The following SNTG2 variants were observed in gnomAD, a reference collection of about 807,000 sequenced individuals.
SNTG2 encodes syntrophin gamma 2, also known as gamma-2-syntrophin.
SNTG2 carries 74 observed loss-of-function variants against 70.9 expected under a neutral mutation model. That is an observed-to-expected ratio of 1.04 (90% CI 0.86 to 1.27). The LOEUF is 1.27. Ranked by LOEUF, SNTG2 falls within the 50% of genes most tolerant of loss-of-function variation. The pLI is 0.00. For synonymous variants in SNTG2, 278 were observed against 273.8 expected (o/e 1.02, Z -0.15); for missense variants, 717 against 690.7 (o/e 1.04, Z -0.43).
chr2:1,175,847 T>G (rs945283032), intron 8 of SNTG2, among the ~76,000 whole-genome samples: 2 of 152,162 alleles, frequency 1.3e-5, no homozygotes, highest in African/African-American at 4.8e-5. Flanking sequence ...TCGGTGCCAT[T>G]TCAGGAAAGG....
At chr2:1,225,851 G>A (rs112781362) in intron 9 of SNTG2, among the ~76,000 whole-genome samples, 38 of 152,324 alleles carry the variant, frequency 2.5e-4, no homozygotes, top group African/African-American at 8.7e-4. Flanking sequence ...CTCAGGAGGT[G>A]CAGCCCACGG....
At chr2:1,083,934 G>A (rs1298746703) in intron 2 of SNTG2, among the ~76,000 whole-genome samples, 1 of 152,072 alleles carries the variant, frequency 6.6e-6, no homozygotes, top group Non-Finnish European at 1.5e-5. Flanking sequence ...CCAGCTACTC[G>A]GAAGTCCGAG....
intron 1 of SNTG2, among the ~76,000 whole-genome samples, chr2:1,069,528 C>T (rs140879487): frequency 0.031 from 4,687 of 151,638 alleles, 137 homozygotes; most frequent in African/African-American, 0.079. Flanking sequence ...CGCAGTGGCT[C>T]ATGCCTGTAA....
At chr2:1,266,647 G>A (rs1411548273) in intron 13 of SNTG2, among the ~76,000 whole-genome samples, 2 of 152,034 alleles carry the variant, frequency 1.3e-5, no homozygotes, top group Non-Finnish European at 2.9e-5. Context: ...ATAGAGACTC[G>A]GAGGCGCAGG....
chr2:1,199,119 C>A (rs887558250), intron 8 of SNTG2, among the ~76,000 whole-genome samples: 3 of 150,794 alleles, frequency 2.0e-5, no homozygotes, highest in Non-Finnish European at 4.4e-5. Context: ...AACACAGACA[C>A]AAAAACCCTC....
chr2:1,195,795 C>T (rs1003902431), intron 8 of SNTG2, among the ~76,000 whole-genome samples: 1 of 152,010 alleles, frequency 6.6e-6, no homozygotes. Context: ...GAAGTCTTTG[C>T]CCAAGGCAAA....
At chr2:1,018,422 G>A (rs1177892930) in intron 1 of SNTG2, among the ~76,000 whole-genome samples, 3 of 152,240 alleles carry the variant, frequency 2.0e-5, no homozygotes, top group South Asian at 4.2e-4. Flanking sequence ...GACCATGGTG[G>A]GCCCTCCAGG....
chr2:1,225,880 C>T (rs1675742261), intron 9 of SNTG2, among the ~76,000 whole-genome samples: 1 of 152,144 alleles, frequency 6.6e-6, no homozygotes, highest in South Asian at 2.1e-4. Flanking sequence ...GCTTAGCACA[C>T]CTGGGCAGGG....
At chr2:1,009,997 CT>C (rs1659684658) in intron 1 of SNTG2, among the ~76,000 whole-genome samples, 3 of 152,120 alleles carry the variant, frequency 2.0e-5, no homozygotes, top group Non-Finnish European at 4.4e-5. Flanking sequence ...AGGAGCAGTA[CT>C]TTTGCTGGTA....
chr2:1,124,586 G>A (rs569603638), intron 4 of SNTG2, among the ~76,000 whole-genome samples: 3 of 152,128 alleles, frequency 2.0e-5, no homozygotes, highest in Admixed American at 6.5e-5. Flanking sequence ...GTGAGCCACC[G>A]CGCCCGGCCT....
chr2:1,146,937 T>C (rs1315415449), intron 6 of SNTG2, among the ~76,000 whole-genome samples: 1 of 152,230 alleles, frequency 6.6e-6, no homozygotes, highest in Non-Finnish European at 1.5e-5. Flanking sequence ...CTCCTTTTGT[T>C]AAAAGCATGT....
intron 4 of SNTG2, among the ~76,000 whole-genome samples, chr2:1,136,975 G>A (rs953442262): frequency 1.3e-5 from 2 of 152,132 alleles, no homozygotes; most frequent in African/African-American, 2.4e-5. Flanking sequence ...CACACTTAAC[G>A]AAAAATGTGC....
At chr2:1,323,308 T>C (rs1176764742) in intron 16 of SNTG2, among the ~76,000 whole-genome samples, 1 of 152,240 alleles carries the variant, frequency 6.6e-6, no homozygotes, top group Non-Finnish European at 1.5e-5. Flanking sequence ...AGTGAAGCCC[T>C]GACCACAGCT....
At chr2:1,169,925 C>A (rs934612913) in intron 7 of SNTG2, among the ~76,000 whole-genome samples, 4 of 152,096 alleles carry the variant, frequency 2.6e-5, no homozygotes, top group Non-Finnish European at 5.9e-5. Context: ...ATCTTAGTAT[C>A]CATAACAATT....
At chr2:1,168,091 G>A (rs1303869774) in intron 7 of SNTG2, among the ~76,000 whole-genome samples, 2 of 138,586 alleles carry the variant, frequency 1.4e-5, no homozygotes, top group East Asian at 2.4e-4. Flanking sequence ...CCTACAGGCC[G>A]CCCACAGACG....
intron 1 of SNTG2, among the ~76,000 whole-genome samples, chr2:1,019,514 T>A (rs911052640): frequency 6.6e-6 from 1 of 151,854 alleles, no homozygotes; most frequent in Non-Finnish European, 1.5e-5. Flanking sequence ...AGGGAAGAAA[T>A]GGCAAGGAGG....
chr2:1,237,788 G>A (rs1166268000), intron 9 of SNTG2, 100 bp from the exon 10 acceptor site: 4 of 1,459,858 alleles, frequency 2.7e-6, no homozygotes, highest in Admixed American at 2.1e-5. Context: ...CATGTCCTGG[G>A]TCCAGGGTAG....
chr2:985,118 C>G (rs375124640), intron 1 of SNTG2, among the ~76,000 whole-genome samples: 2 of 152,108 alleles, frequency 1.3e-5, no homozygotes, highest in African/African-American at 4.8e-5. Flanking sequence ...ATATATCACT[C>G]TCATTCTTAG....
chr2:1,130,241 G>A (rs745426217), intron 4 of SNTG2, among the ~76,000 whole-genome samples: 1 of 152,116 alleles, frequency 6.6e-6, no homozygotes, highest in African/African-American at 2.4e-5. Flanking sequence ...GACATTCTTT[G>A]GAGCCATTTG....
Sources: allele counts gnomAD v4.1 joint callset (sites outside exome capture counted in the v4.1 genomes callset), GRCh38; gene constraint gnomAD v4.1.1; transcripts MANE v1.5; gene names NCBI Gene and HGNC (gene_info 2026-07-23, HGNC 2026-07-21).